Variants in TMEM74 observed in about 807,000 individuals in gnomAD.
The protein encoded by TMEM74 is transmembrane protein 74.
TMEM74 carries 13 observed loss-of-function variants against 18.1 expected under a neutral mutation model. The ratio of observed to expected loss-of-function variants is 0.72; its 90% CI spans 0.47 to 1.14. TMEM74 has a LOEUF of 1.14. Among genes scored for constraint, TMEM74 ranks in the 50% most tolerant of loss-of-function variants. The pLI is 0.00. For missense variants in TMEM74, 372 were observed against 375.9 expected (o/e 0.99, Z 0.09); for synonymous variants, 159 against 146.6 (o/e 1.08, Z -0.61).
intron 1 of TMEM74, among the ~76,000 whole-genome samples, chr8:108,769,944 T>C (rs1318652585): frequency 6.6e-6 from 1 of 151,732 alleles, no homozygotes; most frequent in East Asian, 1.9e-4. Context: ...ATTTCCCTTC[T>C]AGCATCTTTT....
At chr8:108,632,890 A>C (rs1338028113) in intron 2 of TMEM74, among the ~76,000 whole-genome samples, 1 of 152,006 alleles carries the variant, frequency 6.6e-6, no homozygotes, top group African/African-American at 2.4e-5. Context: ...CATTAAGTAG[A>C]ACATGTTCTT....
At chr8:108,681,096 G>A (rs1418161289) in intron 1 of TMEM74, among the ~76,000 whole-genome samples, 2 of 152,138 alleles carry the variant, frequency 1.3e-5, no homozygotes, top group Non-Finnish European at 2.9e-5. Context: ...ACTGCCCAAG[G>A]TAATTTCTAG....
chr8:108,618,322 T>A (rs1400650583), intron 2 of TMEM74, among the ~76,000 whole-genome samples: 1 of 152,150 alleles, frequency 6.6e-6, no homozygotes, highest in Non-Finnish European at 1.5e-5. Flanking sequence ...TCCTAGGTTG[T>A]GTATATTTTG....
At chr8:108,778,670 T>A (rs939470941), downstream of TMEM74, among the ~76,000 whole-genome samples, 1 of 152,136 alleles carries the variant, frequency 6.6e-6, no homozygotes, top group Non-Finnish European at 1.5e-5. Flanking sequence ...AGGATAAAAT[T>A]CCAGTTAATA....
At chr8:108,647,981 G>C (rs1497624) in intron 2 of TMEM74, among the ~76,000 whole-genome samples, 28,494 of 152,076 alleles carry the variant, frequency 0.19, 2,733 homozygotes, top group East Asian at 0.27. Flanking sequence ...TGCATTTTGA[G>C]CATTCTAGGC....
intron 2 of TMEM74, among the ~76,000 whole-genome samples, chr8:108,634,720 G>A (rs939413112): frequency 5.3e-5 from 8 of 151,992 alleles, no homozygotes; most frequent in African/African-American, 1.7e-4. Flanking sequence ...ATTTAGGCAT[G>A]TGGGGAAAGT....
chr8:108,663,381 T>A (rs1190903029), intron 1 of TMEM74, among the ~76,000 whole-genome samples: 1 of 152,108 alleles, frequency 6.6e-6, no homozygotes, highest in African/African-American at 2.4e-5. Context: ...ATCACTGATT[T>A]AGAGAAATGC....
chr8:108,717,993 C>T (rs1813544768), intron 1 of TMEM74, among the ~76,000 whole-genome samples: 1 of 53,964 alleles, frequency 1.9e-5, no homozygotes, highest in Non-Finnish European at 2.6e-5. Context: ...GAGTCTCGCT[C>T]TGTCACCCAG....
intron 2 of TMEM74, among the ~76,000 whole-genome samples, chr8:108,627,349 A>G (rs933129510): frequency 6.6e-6 from 1 of 152,004 alleles, no homozygotes; most frequent in African/African-American, 2.4e-5. Flanking sequence ...GGGAGATAGT[A>G]TGACATAGAA....
intron 1 of TMEM74, among the ~76,000 whole-genome samples, chr8:108,707,827 G>A (rs1260090846): frequency 6.6e-6 from 1 of 152,104 alleles, no homozygotes; most frequent in East Asian, 1.9e-4. Flanking sequence ...GCTGTGAAAG[G>A]AAAAATAAAC....
intron 1 of TMEM74, among the ~76,000 whole-genome samples, chr8:108,745,345 C>A (rs1451282819): frequency 1.3e-5 from 2 of 152,154 alleles, no homozygotes; most frequent in Non-Finnish European, 2.9e-5. Context: ...CAGCCATAGA[C>A]AATACATGAA....
chr8:108,735,062 C>T (rs1314879471), intron 1 of TMEM74, among the ~76,000 whole-genome samples: 1 of 152,170 alleles, frequency 6.6e-6, no homozygotes, highest in African/African-American at 2.4e-5. Context: ...CATCATCATT[C>T]TCCGTCAATG....
In TMEM74 at chr8:108,657,869, T is replaced by TAC. The variant is rs1335302446; in HGVS notation, n.120-2433_120-2432insGT. On this transcript the variant is annotated intron_variant and non_coding_transcript_variant, in intron 1 of 3. Transcript: ENST00000518838. Reference sequence around the variant, plus strand: ...AAAAAAAAAAAAAAAAATATATATATATATATATATATATATATATATATA... The same window carrying TAC: ...AAAAAAAAAAAAAAAAATATATATATACATATATATATATATATATATATATA... Among the ~76,000 whole-genome samples, 8 of 44,872 alleles carry TAC rather than the reference T, an allele frequency of 1.8e-4. 1 individual carries two copies. The highest frequency in any genetic ancestry group is 8.5e-4 in the African/African-American group (8 of 9,374). 29.4% of individuals were successfully genotyped at this position (44,872 alleles called of 152,430 possible).
intron 1 of TMEM74, among the ~76,000 whole-genome samples, chr8:108,701,102 T>C (rs888803705): frequency 1.3e-5 from 2 of 151,552 alleles, no homozygotes; most frequent in Non-Finnish European, 2.9e-5. Flanking sequence ...AATCAATTAA[T>C]GTAATCTATG....
At chr8:108,630,324 T>A (rs60196578) in intron 2 of TMEM74, among the ~76,000 whole-genome samples, 31,796 of 151,386 alleles carry the variant, frequency 0.21, 3,325 homozygotes, top group East Asian at 0.27. Flanking sequence ...CCCAGATTCA[T>A]AAAACAAGTT....
chr8:108,681,273 A>G (rs1180759374), intron 1 of TMEM74, among the ~76,000 whole-genome samples: 2 of 152,184 alleles, frequency 1.3e-5, no homozygotes, highest in Non-Finnish European at 2.9e-5. Context: ...ACTATACTAC[A>G]AGGCTACAGT....
intron 1 of TMEM74, among the ~76,000 whole-genome samples, chr8:108,723,432 T>C (rs1813604841): frequency 7.1e-6 from 1 of 140,648 alleles, no homozygotes; most frequent in African/African-American, 2.9e-5. Context: ...TTATGAAATC[T>C]ATTTTTCGTG....
At chr8:108,636,264 G>C (rs1812605861) in intron 2 of TMEM74, among the ~76,000 whole-genome samples, 1 of 152,050 alleles carries the variant, frequency 6.6e-6, no homozygotes, top group Non-Finnish European at 1.5e-5. Flanking sequence ...GGGCTAGCCT[G>C]TATGAGGAGC....
intron 1 of TMEM74, among the ~76,000 whole-genome samples, chr8:108,686,679 G>GA (rs10716588): frequency 4.5e-4 from 66 of 147,046 alleles, no homozygotes; most frequent in Middle Eastern, 3.5e-3. Flanking sequence ...AACATTTGTA[G>GA]AAAAAAAAAA....
Sources: allele counts gnomAD v4.1 joint callset (sites outside exome capture counted in the v4.1 genomes callset), GRCh38; gene constraint gnomAD v4.1.1; transcripts MANE v1.5; gene names NCBI Gene and HGNC (gene_info 2026-07-23, HGNC 2026-07-21).